OR2Z1: variants seen among roughly 807,000 people sequenced by gnomAD.
OR2Z1 encodes olfactory receptor family 2 subfamily Z member 1, also known as olfactory receptor 2Z1.
For missense variants in OR2Z1, 449 were observed against 401.8 expected (o/e 1.12, Z -1.00); for synonymous variants, 188 against 160.6 (o/e 1.17, Z -1.29).
intron 2 of OR2Z1, chr19:8,729,136 C>A: frequency 8.0e-7 from 1 of 1,253,508 alleles, no homozygotes; most frequent in South Asian, 1.2e-5. Flanking sequence ...CCTTCTTGGC[C>A]TTTAAAGCCT....
intron 2 of OR2Z1, among the ~76,000 whole-genome samples, chr19:8,724,984 C>T (rs1193551773): frequency 2.0e-5 from 3 of 152,186 alleles, no homozygotes; most frequent in Non-Finnish European, 4.4e-5. Flanking sequence ...AACCTTCCCT[C>T]TTCTAGCTCT....
At chr19:8,725,286 A>G (rs1448191034) in intron 2 of OR2Z1, among the ~76,000 whole-genome samples, 3 of 151,998 alleles carry the variant, frequency 2.0e-5, no homozygotes, top group Non-Finnish European at 2.9e-5. Flanking sequence ...TCTGTTGTCC[A>G]GGCCGGAATA....
intron 2 of OR2Z1, chr19:8,729,121 C>G: frequency 7.9e-7 from 1 of 1,266,178 alleles, no homozygotes; most frequent in Non-Finnish European, 1.1e-6. Flanking sequence ...CACCTTTCAA[C>G]ACTGCCTTCT....
chr19:8,731,922 G>T lies in OR2Z1; in HGVS notation c.894G>T (p.Trp298Cys). ...ACAGTCTGAGGAATCCGGAGGTGTG[G>T]ATGGCTTTGGTCAAAGTGCTTAGCA... ...LIYSLRNPEVWMALVKVLSRA... is the reference protein window; with the variant it reads ...LIYSLRNPEVCMALVKVLSRA... The change falls in exon 3 of 3, where the codon TGG becomes TGT. Residue 298 changes from tryptophan (W) to cysteine (C), a missense_variant. Physicochemically the swap from Trp to Cys is radical, Grantham distance 215. Transcript: ENST00000641125. 1 of 1,614,188 alleles carries T rather than the reference G, an allele frequency of 6.2e-7. No homozygotes were observed. The highest frequency in any genetic ancestry group is 1.6e-4 in the Middle Eastern group (1 of 6,062).
rs1047368949 is a variant in OR2Z1, at chr19:8,732,114, T to C, written c.*141T>C. The C allele has an allele frequency of 6.1e-6, 4 of 650,974 alleles. No individual in the cohort carries two copies. The highest frequency in any genetic ancestry group is 3.7e-5 in the African/African-American group (2 of 54,760). The allele number at this position is 650,974 out of a possible 1,614,324, so 40.3% of individuals were successfully genotyped here. A position where few individuals can be genotyped will look rare whatever the true frequency, so the allele number is the denominator to read the frequency against. Reference sequence around the variant, plus strand: ...CCCAAGGTGCAACTTTTTGAGAAAATGTCTGCCTTTTAAATTGAGGTAGAA... The same window carrying C: ...CCCAAGGTGCAACTTTTTGAGAAAACGTCTGCCTTTTAAATTGAGGTAGAA... On this transcript the variant is annotated 3_prime_UTR_variant, in exon 3 of 3. Coordinates refer to ENST00000641125, the MANE Select transcript of OR2Z1 (RefSeq NM_001004699.3).
chr19:8,731,401 G>T lies in OR2Z1; in HGVS notation c.373G>T (p.Ala125Ser). 5.0e-6 allele frequency: 8 copies of T among 1,614,080 alleles called. 1 individual carries two copies. The highest frequency in any genetic ancestry group is 6.8e-6 in the Non-Finnish European group (8 of 1,180,014). ...CCTCATGTCTTATGACCGTTATGTT[G>T]CTGTGTGCCAGCCCCTGCAGTATCC... ...LVLMSYDRYV[A>S]VCQPLQYPVL... is the part of the protein sequence containing the mutation. The change falls in exon 3 of 3, where the codon GCT becomes TCT. Residue 125 changes from alanine to serine, a missense_variant. Physicochemically the swap from Ala to Ser is moderately conservative, Grantham distance 99. Coordinates refer to ENST00000641125, the MANE Select transcript of OR2Z1 (RefSeq NM_001004699.3).
intron 2 of OR2Z1, among the ~76,000 whole-genome samples, chr19:8,727,909 T>C (rs2043334391): frequency 6.6e-6 from 1 of 152,114 alleles, no homozygotes; most frequent in South Asian, 2.1e-4. Context: ...AACACCTCAA[T>C]TGGGTTGAGC....
chr19:8,726,091 G>A (rs782010627), intron 2 of OR2Z1, among the ~76,000 whole-genome samples: 1 of 152,202 alleles, frequency 6.6e-6, no homozygotes, highest in African/African-American at 2.4e-5. Flanking sequence ...TCAGCCTCCC[G>A]AGTAGCTGGG....
In OR2Z1 at chr19:8,731,621, C is replaced by G. The variant is rs868977018; in HGVS notation, c.593C>G (p.Ala198Gly). 20 of 1,614,008 alleles carry G rather than the reference C, an allele frequency of 1.2e-5. 1 individual carries two copies. The Middle Eastern group carries it at 3.1e-3, about 253-fold the overall frequency. ...GCAGATACCTGTGCCTACGAGATGGCGCTGTCCACCTCAGGGGTGCTGATC... is the reference window on the plus strand; with the variant it reads ...GCAGATACCTGTGCCTACGAGATGGGGCTGTCCACCTCAGGGGTGCTGATC... ...SCADTCAYEM[A>G]LSTSGVLILM... The change falls in exon 3 of 3, where the codon GCG becomes GGG. Residue 198 changes from alanine (A) to glycine (G), a missense_variant. Coordinates refer to ENST00000641125, the MANE Select transcript of OR2Z1 (RefSeq NM_001004699.3).
chr19:8,728,939 C>T (rs1482400235), intron 2 of OR2Z1: 3 of 674,520 alleles, frequency 4.4e-6, no homozygotes, highest in Non-Finnish European at 8.2e-6. Context: ...TGTCTTCTAT[C>T]TTCTTGATGG....
In OR2Z1 at chr19:8,729,520, C is replaced by T. The variant is rs192062389; in HGVS notation, c.-169-1340C>T. On this transcript the variant is annotated intron_variant, in intron 2 of 2. Coordinates refer to ENST00000641125, the MANE Select transcript of OR2Z1 (RefSeq NM_001004699.3). ...CGACCTCCCAGGCTCAAGTGATCCT[C>T]CTGCCGTAGCCTCCCCAGTAGCTGA... 4.3e-3 allele frequency among the ~76,000 whole-genome samples: 657 copies of T among 151,470 alleles called. 3 individuals are homozygous for T. The highest frequency in any genetic ancestry group is 0.015 in the African/African-American group (603 of 41,298).
intron 2 of OR2Z1, among the ~76,000 whole-genome samples, chr19:8,725,474 C>T (rs1235132298): frequency 3.3e-5 from 5 of 152,138 alleles, no homozygotes; most frequent in African/African-American, 4.8e-5. Context: ...AACTCCCATC[C>T]TCAAATGATC....
intron 2 of OR2Z1, among the ~76,000 whole-genome samples, chr19:8,727,519 C>T (rs1018425935): frequency 1.9e-4 from 29 of 152,132 alleles, no homozygotes; most frequent in African/African-American, 7.0e-4. Flanking sequence ...CAAACCTGCA[C>T]GTTGTGCACA....
intron 2 of OR2Z1, among the ~76,000 whole-genome samples, chr19:8,725,328 T>C (rs1296319273): frequency 3.9e-5 from 6 of 152,076 alleles, no homozygotes; most frequent in Admixed American, 2.6e-4. Flanking sequence ...CTGCAACCTC[T>C]GCCTCCTGGG....
rs782546076 is a variant in OR2Z1, at chr19:8,731,468, C to G, written c.440C>G (p.Ser147Cys). Residue 147 changes from serine (S) to cysteine (C), a missense_variant, in exon 3 of 3, where the codon TCC (serine) becomes TGC (cysteine). Ser to Cys is a moderately radical substitution (Grantham distance 112, BLOSUM62 -1). Transcript: ENST00000641125. ...CAGGTATGTCTGCTGATGATGGGCT[C>G]CTCCTGGGTGGTAGGTGTGCTCAAC... ...RRQVCLLMMG[S>C]SWVVGVLNAS... 1 of 1,614,086 alleles carries G rather than the reference C, an allele frequency of 6.2e-7. No individual in the cohort carries two copies. The highest frequency in any genetic ancestry group is 8.5e-7 in the Non-Finnish European group (1 of 1,180,020).
At chr19:8,723,237 C>T (rs543390400) in intron 2 of OR2Z1, 87 bp downstream of exon 2, 3 of 152,182 alleles carry the variant, frequency 2.0e-5, no homozygotes, top group Non-Finnish European at 4.4e-5. Flanking sequence ...TTCTGTTATC[C>T]ACCAGTCCAT....
Position 8,730,361 on chromosome 19 carries a change from G to A in OR2Z1, c.-169-499G>A, listed in dbSNP as rs533697011. Among the ~76,000 whole-genome samples the A allele has an allele frequency of 2.0e-5, 3 of 152,164 alleles. 1 individual carries two copies. In the South Asian group the frequency reaches 6.2e-4, roughly 32 times the overall value. ...GTATCTGACCTCAGCTTTGGTTAAG[G>A]ACCCCTGGGATGAGGGGTATTGAAG... On this transcript the variant is annotated intron_variant, in intron 2 of 2. Coordinates refer to ENST00000641125, the MANE Select transcript of OR2Z1 (RefSeq NM_001004699.3).
rs2043355521 is a variant in OR2Z1 at position 8,731,506 on chromosome 19, A to C, written c.478A>C (p.Thr160Pro). The C allele has an allele frequency of 1.9e-6, 3 of 1,613,776 alleles. No homozygotes were observed. Among genetic ancestry groups the C allele is most frequent in the Non-Finnish European group, 2.5e-6 (3 of 1,179,956 alleles). ...VVGVLNASIQTSITLHFPYCA... is the reference protein window; with the variant it reads ...VVGVLNASIQPSITLHFPYCA... ...AGGTGTGCTCAACGCCTCCATCCAG[A>C]CCTCCATCACCCTGCATTTTCCCTA... The change falls in exon 3 of 3, where the codon ACC becomes CCC. Residue 160 changes from threonine to proline, a missense_variant. By Grantham distance (38) the Thr-to-Pro change is conservative. Transcript: ENST00000641125.
intron 2 of OR2Z1, among the ~76,000 whole-genome samples, chr19:8,728,370 C>T (rs1428884843): frequency 1.3e-5 from 2 of 152,116 alleles, no homozygotes; most frequent in African/African-American, 4.8e-5. Context: ...GCTAGTGTCT[C>T]ATAGTAGTCC....
Sources: allele counts gnomAD v4.1 joint callset (sites outside exome capture counted in the v4.1 genomes callset), GRCh38; gene constraint gnomAD v4.1.1; transcripts MANE v1.5; gene names NCBI Gene and HGNC (gene_info 2026-07-23, HGNC 2026-07-21).